Variants in MYO10 observed in about 807,000 individuals in gnomAD.
MYO10 encodes the protein myosin X.
Under a neutral mutation model 257.3 loss-of-function variants are expected in MYO10, and 133 were observed. The ratio of observed to expected loss-of-function variants is 0.52; its 90% CI spans 0.45 to 0.60. The LOEUF is 0.60. Ranked by LOEUF, MYO10 falls within the 20% of genes least tolerant of loss-of-function variation. The probability of loss-of-function intolerance (pLI) is 0.00; values close to 1 mark genes in which losing one functional copy is unlikely to be tolerated. For synonymous variants in MYO10, 1,104 were observed against 1,028.6 expected, an observed-to-expected ratio of 1.07 and a Z score of -1.40; for missense variants, 2,399 against 2,635.7, an observed-to-expected ratio of 0.91 and a Z score of 1.97.
intron 1 of MYO10, among the ~76,000 whole-genome samples, chr5:16,919,532 CTG>C (rs1745922786): frequency 1.3e-5 from 2 of 152,156 alleles, no homozygotes; most frequent in Admixed American, 1.3e-4. Context: ...CTCTAAGACT[CTG>C]TGTTCTCATA....
intron 19 of MYO10, among the ~76,000 whole-genome samples, chr5:16,737,734 C>T (rs998224890): frequency 2.6e-5 from 4 of 152,152 alleles, no homozygotes; most frequent in Non-Finnish European, 5.9e-5. Flanking sequence ...AGTCTGGAGA[C>T]GTTGAGAGAG....
intron 2 of MYO10, among the ~76,000 whole-genome samples, chr5:16,868,669 T>C (rs989906815): frequency 6.6e-6 from 1 of 152,142 alleles, no homozygotes; most frequent in Non-Finnish European, 1.5e-5. Flanking sequence ...AGAAGACAAC[T>C]GATTTCTAAC....
At chr5:16,820,638 C>T (rs186307514) in intron 2 of MYO10, among the ~76,000 whole-genome samples, 1 of 152,272 alleles carries the variant, frequency 6.6e-6, no homozygotes, top group Non-Finnish European at 1.5e-5. Flanking sequence ...TCCTTCTCAA[C>T]GTGAAAACAA....
intron 2 of MYO10, among the ~76,000 whole-genome samples, chr5:16,840,016 A>C (rs1044345364): frequency 2.0e-5 from 3 of 152,206 alleles, no homozygotes; most frequent in African/African-American, 4.8e-5. Flanking sequence ...TCTAGATTGC[A>C]GTGAAAGATG....
At chr5:16,714,583 T>G (rs912977537) in intron 19 of MYO10, among the ~76,000 whole-genome samples, 13 of 152,042 alleles carry the variant, frequency 8.6e-5, no homozygotes, top group African/African-American at 2.4e-5. Context: ...CATAAAAATG[T>G]CATGCAGCCA....
chr5:16,775,989 A>T (rs1454794871), intron 9 of MYO10, among the ~76,000 whole-genome samples: 1 of 152,018 alleles, frequency 6.6e-6, no homozygotes, highest in Admixed American at 6.6e-5. Flanking sequence ...TCCATCTCCC[A>T]GACTCAAGCC....
At chr5:16,762,231 C>A (rs1305028775) in intron 15 of MYO10, 118 bp from the exon 16 acceptor site, 7 of 1,314,276 alleles carry the variant, frequency 5.3e-6, no homozygotes, top group Non-Finnish European at 7.0e-6. Context: ...TCCAAACTTG[C>A]CATGGATCTG....
chr5:16,711,655 G>A (rs1221525875), intron 19 of MYO10, among the ~76,000 whole-genome samples: 7 of 152,078 alleles, frequency 4.6e-5, no homozygotes, highest in Non-Finnish European at 8.8e-5. Context: ...GGTGGCACGC[G>A]CCTGTAGTCC....
At position 16,701,917 on chromosome 5, in the gene MYO10, G is replaced by GA. The variant is rs1738100569; in HGVS notation, c.2557-80dup. The GA allele has an allele frequency of 6.8e-7, 1 of 1,468,734 alleles. No homozygotes were observed. The highest frequency in any genetic ancestry group is 1.4e-5 in the African/African-American group (1 of 70,902). The allele number at this position is 1,468,734 out of a possible 1,614,324, so 91.0% of individuals were successfully genotyped here. ...ATAGCTCCCGCTTTGCAACCAGGAT[G>GA]AAATATGGTCATTATGAGTTGGACT... On this transcript the variant is annotated intron_variant, in intron 24 of 40. Coordinates refer to ENST00000513610, the MANE Select transcript of MYO10 (RefSeq NM_012334.3). The surrounding 1 kb of genome is among the most constrained non-coding windows in gnomAD (Gnocchi z 8.1).
At chr5:16,702,446 T>C (rs1464254524) in intron 24 of MYO10, 97 bp downstream of exon 24, 2 of 1,153,740 alleles carry the variant, frequency 1.7e-6, no homozygotes, top group East Asian at 2.6e-5. Flanking sequence ...TCCTGTTATC[T>C]TTCTACTTTA....
intron 17 of MYO10, among the ~76,000 whole-genome samples, chr5:16,760,189 T>C (rs31507): frequency 0.67 from 101,494 of 151,250 alleles, 35,614 homozygotes; most frequent in African/African-American, 0.89. Flanking sequence ...TGGTGGCTCA[T>C]GCCTGTAATC....
chr5:16,718,198 G>A (rs1233298905), intron 19 of MYO10, among the ~76,000 whole-genome samples: 3 of 152,144 alleles, frequency 2.0e-5, no homozygotes, highest in Non-Finnish European at 2.9e-5. Flanking sequence ...GTGGAGCAAG[G>A]CTCGGGACCT....
In MYO10 at chr5:16,732,922, T is replaced by A. The variant is rs191457311; in HGVS notation, c.1930-21677A>T. Among the ~76,000 whole-genome samples, 507 of 152,212 alleles carry A rather than the reference T, an allele frequency of 3.3e-3. 3 individuals carry two copies. Among genetic ancestry groups the A allele is most frequent in the African/African-American group, 0.012 (479 of 41,512 alleles). The stretch of plus-strand genomic sequence containing the variant: ...GCCGAGGTGCGCAGATCACTTGAGG[T>A]CAGGAGTTTGGGACCAGCCTGGCCA... On this transcript the variant is annotated intron_variant, in intron 19 of 40. Transcript: ENST00000513610.
chr5:16,906,825 T>G (rs1745532024), intron 1 of MYO10, among the ~76,000 whole-genome samples: 1 of 152,026 alleles, frequency 6.6e-6, no homozygotes, highest in African/African-American at 2.4e-5. Flanking sequence ...GAAAGAAAAG[T>G]ATCTGGCCAG....
At chr5:16,878,805 A>T (rs1744674720) in intron 1 of MYO10, among the ~76,000 whole-genome samples, 1 of 152,160 alleles carries the variant, frequency 6.6e-6, no homozygotes, top group African/African-American at 2.4e-5. Context: ...CATAAGAATG[A>T]CATGATGGAC....
intron 1 of MYO10, chr5:16,902,349 G>A: frequency 2.6e-6 from 3 of 1,169,708 alleles, no homozygotes; most frequent in South Asian, 2.4e-5. Context: ...AAATCAGGGT[G>A]GGGGTGTTCG....
At chr5:16,889,208 T>C (rs10044722) in intron 1 of MYO10, among the ~76,000 whole-genome samples, 130,037 of 147,612 alleles carry the variant, frequency 0.88, 57,514 homozygotes, top group African/African-American at 0.97. Context: ...AAAAAAAAAA[T>C]CAGCCTGGCC....
At chr5:16,923,757 G>T (rs1047255267) in intron 1 of MYO10, among the ~76,000 whole-genome samples, 5 of 151,538 alleles carry the variant, frequency 3.3e-5, no homozygotes, top group African/African-American at 1.2e-4. Context: ...TTGTTGCCTA[G>T]GGTTAACTCA....
At chr5:16,672,612 G>A in intron 37 of MYO10, 77 bp downstream of exon 37, 1 of 1,543,842 alleles carries the variant, frequency 6.5e-7, no homozygotes, top group Non-Finnish European at 8.9e-7. Context: ...CAAATGGAAT[G>A]GGAAGCTCAA....
Sources: allele counts gnomAD v4.1 joint callset (sites outside exome capture counted in the v4.1 genomes callset), GRCh38; gene constraint gnomAD v4.1.1; non-coding constraint Gnocchi (gnomAD v3.1); transcripts MANE v1.5; gene names NCBI Gene and HGNC (gene_info 2026-07-23, HGNC 2026-07-21).